SLMAP: variants seen among roughly 807,000 people sequenced by gnomAD.
SLMAP encodes sarcolemmal membrane-associated protein.
Under a neutral mutation model 128.8 loss-of-function variants are expected in SLMAP, and 44 were observed. The ratio of observed to expected loss-of-function variants is 0.34; its 90% CI spans 0.27 to 0.44. The LOEUF (loss-of-function observed/expected upper bound fraction) is 0.44. SLMAP is among the 20% of genes least tolerant of loss of function. SLMAP has a pLI of 1.00. For missense variants in SLMAP, 787 were observed against 985.3 expected, an observed-to-expected ratio of 0.80 and a Z score of 2.69; for synonymous variants, 327 against 348.8, an observed-to-expected ratio of 0.94 and a Z score of 0.70.
intron 2 of SLMAP, among the ~76,000 whole-genome samples, chr3:57,759,273 G>C (rs114016629): frequency 6.6e-6 from 1 of 150,612 alleles, no homozygotes; most frequent in Non-Finnish European, 1.5e-5. Flanking sequence ...TAGATTACTC[G>C]TAATCCTTTT....
At chr3:57,825,500 C>CT (rs539901060) in intron 2 of SLMAP, among the ~76,000 whole-genome samples, 1,373 of 106,520 alleles carry the variant, frequency 0.013, 9 homozygotes, top group African/African-American at 0.036. Context: ...TGTGTGTTTT[C>CT]TTTTTTTTTT....
chr3:57,912,463 G>A lies in SLMAP; in HGVS notation c.1782G>A (p.Leu594=). 1 of 1,614,162 alleles carries A rather than the reference G, an allele frequency of 6.2e-7. No homozygotes were observed. Among genetic ancestry groups the A allele is most frequent in the Non-Finnish European group, 8.5e-7 (1 of 1,179,998 alleles). ...DSEITSTRDE[L]LSARDEILLL... is the part of the protein sequence containing the mutation. ...AAATCACAAGTACTAGAGATGAATT[G>A]CTTAGTGCCCGAGATGAAATTTTGC... Residue 594 remains leucine, a synonymous_variant, in exon 20 of 25, where the codon TTG becomes TTA. Coordinates refer to ENST00000671191, the MANE Select transcript of SLMAP (RefSeq NM_001377540.1).
chr3:57,811,156 G>A (rs2090900672), intron 2 of SLMAP, among the ~76,000 whole-genome samples: 1 of 152,098 alleles, frequency 6.6e-6, no homozygotes, highest in Non-Finnish European at 1.5e-5. Context: ...CATTCATAAT[G>A]TTCTGTAACC....
chr3:57,881,460 T>C (rs1191512816), intron 14 of SLMAP, among the ~76,000 whole-genome samples: 1 of 152,102 alleles, frequency 6.6e-6, no homozygotes, highest in Non-Finnish European at 1.5e-5. Flanking sequence ...AGATTTTTTA[T>C]TTATTATTAT....
intron 2 of SLMAP, among the ~76,000 whole-genome samples, chr3:57,759,532 T>C (rs1237067192): frequency 6.6e-6 from 1 of 152,160 alleles, no homozygotes; most frequent in East Asian, 1.9e-4. Flanking sequence ...TGCCTCAACC[T>C]CCCAAAGTGC....
chr3:57,805,482 G>C (rs1344594933), intron 2 of SLMAP, among the ~76,000 whole-genome samples: 1 of 152,114 alleles, frequency 6.6e-6, no homozygotes, highest in African/African-American at 2.4e-5. Flanking sequence ...AGTAGCCCAG[G>C]CTACCAACTG....
chr3:57,927,271 T>A, intron 24 of SLMAP, 25 bp from the exon 25 acceptor site: 1 of 1,538,754 alleles, frequency 6.5e-7, no homozygotes, highest in Non-Finnish European at 9.0e-7. Flanking sequence ...AATGTGATAT[T>A]GACTCTTGGT....
intron 9 of SLMAP, 35 bp downstream of exon 9, chr3:57,860,874 TA>T (rs1487089899): frequency 6.6e-7 from 1 of 1,511,296 alleles, no homozygotes; most frequent in Non-Finnish European, 8.9e-7. Context: ...TAAATAGTAT[TA>T]TGAGTGTTCA....
intron 19 of SLMAP, among the ~76,000 whole-genome samples, chr3:57,910,607 G>A (rs1157204903): frequency 6.6e-6 from 1 of 152,142 alleles, no homozygotes; most frequent in Non-Finnish European, 1.5e-5. Flanking sequence ...GGTTATTACA[G>A]AAATTTCCAG....
chr3:57,804,177 T>C (rs192776377), intron 2 of SLMAP, among the ~76,000 whole-genome samples: 1 of 152,368 alleles, frequency 6.6e-6, no homozygotes, highest in Admixed American at 6.5e-5. Context: ...TTTTCTCATC[T>C]TTTTTCATCT....
At chr3:57,806,719 C>T (rs1175628399) in intron 2 of SLMAP, among the ~76,000 whole-genome samples, 4 of 152,174 alleles carry the variant, frequency 2.6e-5, no homozygotes, top group African/African-American at 9.7e-5. Flanking sequence ...GGACCACAGG[C>T]ATGAGCCACC....
At position 57,896,812 on chromosome 3, in the gene SLMAP, AG is replaced by A. The variant is rs1170294672; in HGVS notation, c.1442-60del. On this transcript the variant is annotated intron_variant, in intron 16 of 24. Transcript: ENST00000671191. Reference sequence around the variant, plus strand: ...TCCAATTGTTTGTTTTGATAACAATAGCTTGCTGATAGATCTGAATACTGTC... The same window carrying A: ...TCCAATTGTTTGTTTTGATAACAATACTTGCTGATAGATCTGAATACTGTC... 2.6e-6 allele frequency: 4 copies of A among 1,515,506 alleles called. No homozygotes were observed. The African/African-American group carries it at 5.6e-5, about 21-fold the overall frequency. 93.9% of individuals were successfully genotyped at this position (1,515,506 alleles called of 1,614,324 possible). A position where few individuals can be genotyped will look rare whatever the true frequency, so the allele number is the denominator to read the frequency against.
intron 13 of SLMAP, among the ~76,000 whole-genome samples, chr3:57,870,728 T>C (rs770278349): frequency 1.3e-4 from 20 of 152,286 alleles, no homozygotes; most frequent in Non-Finnish European, 8.8e-5. Flanking sequence ...ATAGAGAGAA[T>C]GGTGCCAACT....
rs1416069152 is a variant in SLMAP at position 57,757,840 on chromosome 3, G to A, written c.189G>A (p.Lys63=). ...ACGCTCTCGTCTGGTTTGATCACAA[G>A]ACGGGCAAGGTAATGTCACCACATT... ...RNHALVWFDH[K]TGKFYLQDTK... The change falls in exon 2 of 25, where the codon AAG becomes AAA. Residue 63 remains lysine, a synonymous_variant. Coordinates refer to ENST00000671191, the MANE Select transcript of SLMAP (RefSeq NM_001377540.1). The A allele has an allele frequency of 1.2e-6, 2 of 1,614,126 alleles. No individual in the cohort carries two copies. Among genetic ancestry groups the A allele is most frequent in the Admixed American group, 3.3e-5 (2 of 60,006 alleles).
chr3:57,828,730 G>A (rs887737682), intron 2 of SLMAP, among the ~76,000 whole-genome samples: 1 of 152,082 alleles, frequency 6.6e-6, no homozygotes, highest in East Asian at 1.9e-4. Flanking sequence ...TGCTTTGGAC[G>A]GTAATATAGA....
chr3:57,920,664 A>G (rs1348151096), intron 22 of SLMAP, among the ~76,000 whole-genome samples: 1 of 152,104 alleles, frequency 6.6e-6, no homozygotes, highest in Non-Finnish European at 1.5e-5. Context: ...TACGTTACCT[A>G]TGGTATATCT....
rs534654066 is a variant in SLMAP at position 57,778,774 on chromosome 3, G to A, written c.198+20925G>A. On this transcript the variant is annotated intron_variant, in intron 2 of 24. Transcript: ENST00000671191. The stretch of plus-strand genomic sequence containing the variant: ...AATTTGTGGTAGAGATAGGGGCTCT[G>A]TATGTTGCCCAGGCTGTCTAGTTTC... 3.8e-4 allele frequency among the ~76,000 whole-genome samples: 57 copies of A among 151,878 alleles called. 1 individual carries two copies. Among genetic ancestry groups the A allele is most frequent in the Admixed American group, 3.7e-3 (57 of 15,248 alleles).
intron 2 of SLMAP, among the ~76,000 whole-genome samples, chr3:57,787,693 C>T (rs2084529452): frequency 6.6e-6 from 1 of 152,182 alleles, no homozygotes; most frequent in Non-Finnish European, 1.5e-5. Flanking sequence ...CCAGGCTGGT[C>T]TTGAACTCCT....
chr3:57,839,922 A>G (rs1041096881), intron 3 of SLMAP, among the ~76,000 whole-genome samples: 1 of 152,154 alleles, frequency 6.6e-6, no homozygotes, highest in Non-Finnish European at 1.5e-5. Context: ...TCCTGACCTC[A>G]GGTGATCTGC....
Sources: allele counts gnomAD v4.1 joint callset (sites outside exome capture counted in the v4.1 genomes callset), GRCh38; gene constraint gnomAD v4.1.1; transcripts MANE v1.5; gene names NCBI Gene and HGNC (gene_info 2026-07-23, HGNC 2026-07-21).